Variants in LRPAP1 observed in about 807,000 individuals in gnomAD.
LRPAP1 encodes the protein alpha-2-macroglobulin receptor-associated protein.
Under a neutral mutation model 39.9 loss-of-function variants are expected in LRPAP1, and 41 were observed. The observed-to-expected ratio is 1.03, with a 90% CI of 0.80 to 1.33. The LOEUF (loss-of-function observed/expected upper bound fraction) is 1.33. LRPAP1 is among the 40% of genes most tolerant of loss of function. The pLI is 0.00. For synonymous variants in LRPAP1, 263 were observed against 212.7 expected (o/e 1.24, Z -2.06); for missense variants, 565 against 482.3 (o/e 1.17, Z -1.61).
rs376919981 is a variant in LRPAP1, at chr4:3,518,070, G to A, written c.715C>T (p.Arg239Cys). Residue 239 changes from arginine to cysteine, a missense_variant, in exon 5 of 8, where the codon CGC becomes TGC. Coordinates refer to ENST00000650182, the MANE Select transcript of LRPAP1 (RefSeq NM_002337.4). ...CTGTAGCCCTGGTGGCTGACCCTGC[G>A]CAGGCGGTCCAGGCCCTGGTTGATG... Reference protein sequence around the residue: ...RSINQGLDRLRRVSHQGYSTE... With the variant: ...RSINQGLDRLCRVSHQGYSTE... The A allele has an allele frequency of 1.3e-5, 21 of 1,612,178 alleles. No individual in the cohort carries two copies. The highest frequency in any genetic ancestry group is 5.3e-5 in the African/African-American group (4 of 74,932).
intron 3 of LRPAP1, among the ~76,000 whole-genome samples, chr4:3,519,674 TGAAA>T (rs1729847789): frequency 6.6e-6 from 1 of 152,092 alleles, no homozygotes; most frequent in Admixed American, 6.5e-5. Context: ...AGGCACAGGG[TGAAA>T]GCCCAGCCCC....
chr4:3,505,782 G>A lies in LRPAP1; in HGVS notation c.*7192C>T, dbSNP rs1729336085. ...ATACCACCACCCTGGATTACAACTC[G>A]GCAAGATGCTGGGGAGGTTTCTGTT... On this transcript the variant is annotated 3_prime_UTR_variant, in exon 8 of 8. Coordinates refer to ENST00000650182, the MANE Select transcript of LRPAP1 (RefSeq NM_002337.4). Among the ~76,000 whole-genome samples the A allele has an allele frequency of 6.6e-6, 1 of 152,164 alleles. No individual in the cohort carries two copies. Among genetic ancestry groups the A allele is most frequent in the Middle Eastern group, 3.2e-3 (1 of 316 alleles).
intron 2 of LRPAP1, among the ~76,000 whole-genome samples, chr4:3,522,525 G>C (rs1729940529): frequency 6.6e-6 from 1 of 151,716 alleles, no homozygotes; most frequent in African/African-American, 2.4e-5. Context: ...GGGGAGGACG[G>C]ACGTCATCCC....
chr4:3,520,454 G>C (rs1246295069), intron 2 of LRPAP1, among the ~76,000 whole-genome samples: 1 of 152,216 alleles, frequency 6.6e-6, no homozygotes, highest in South Asian at 2.1e-4. Context: ...TTCCTACCAG[G>C]GACACGCCGG....
intron 1 of LRPAP1, among the ~76,000 whole-genome samples, chr4:3,528,253 C>T (rs528546102): frequency 6.6e-6 from 1 of 152,314 alleles, no homozygotes; most frequent in Non-Finnish European, 1.5e-5. Flanking sequence ...TCATCAACAA[C>T]CAGGGTATAC....
intron 1 of LRPAP1, chr4:3,531,879 A>C (rs1730264822): frequency 5.1e-6 from 2 of 393,836 alleles, no homozygotes; most frequent in African/African-American, 4.3e-5. Flanking sequence ...AAGGCTCGGG[A>C]GGCAGGAGAC....
At chr4:3,526,394 G>A (rs1167307607) in intron 1 of LRPAP1, among the ~76,000 whole-genome samples, 4 of 152,168 alleles carry the variant, frequency 2.6e-5, no homozygotes, top group South Asian at 2.1e-4. Context: ...TCCCTTAGAC[G>A]TTTGAAATAT....
chr4:3,527,111 G>T (rs1256960157), intron 1 of LRPAP1, among the ~76,000 whole-genome samples: 7 of 143,782 alleles, frequency 4.9e-5, no homozygotes, highest in Non-Finnish European at 9.3e-5. Flanking sequence ...TAGATGCTCT[G>T]CGCCCCCATC....
At chr4:3,531,197 T>C (rs996680531) in intron 1 of LRPAP1, among the ~76,000 whole-genome samples, 1 of 152,102 alleles carries the variant, frequency 6.6e-6, no homozygotes, top group Non-Finnish European at 1.5e-5. Flanking sequence ...CCAGGAGCAG[T>C]TCAGGAAGGG....
In LRPAP1 at chr4:3,512,872, C is replaced by G; in HGVS notation, c.*102G>C. On this transcript the variant is annotated 3_prime_UTR_variant, in exon 8 of 8. Coordinates refer to ENST00000650182, the MANE Select transcript of LRPAP1 (RefSeq NM_002337.4). ...TTCCTGCCTCGACACCCGTGCCAGC[C>G]CCAGCCACCCTGACGGCGGGCTGTC... 1.9e-6 allele frequency: 2 copies of G among 1,042,526 alleles called. No individual in the cohort carries two copies. Among genetic ancestry groups the G allele is most frequent in the Non-Finnish European group, 2.8e-6 (2 of 714,064 alleles). 64.6% of individuals were successfully genotyped at this position (1,042,526 alleles called of 1,614,324 possible).
At chr4:3,515,605 ACCC>A (rs2108688261) in intron 6 of LRPAP1, among the ~76,000 whole-genome samples, 1 of 152,032 alleles carries the variant, frequency 6.6e-6, no homozygotes, top group African/African-American at 2.4e-5. Context: ...CCCACCCAGG[ACCC>A]CCGATGGACT....
At chr4:3,531,289 T>C (rs1424966030) in intron 1 of LRPAP1, among the ~76,000 whole-genome samples, 1 of 152,126 alleles carries the variant, frequency 6.6e-6, no homozygotes, top group African/African-American at 2.4e-5. Flanking sequence ...CCCCCACCTG[T>C]TTCTCCTCTC....
chr4:3,527,545 C>T (rs867953138), intron 1 of LRPAP1, among the ~76,000 whole-genome samples: 25 of 152,348 alleles, frequency 1.6e-4, no homozygotes, highest in South Asian at 2.1e-4. Context: ...CCTTACTTAC[C>T]GTGCTGCACT....
intron 6 of LRPAP1, 88 bp from the exon 7 acceptor site, chr4:3,515,016 G>A (rs932969935): frequency 9.3e-5 from 134 of 1,442,310 alleles, no homozygotes; most frequent in Non-Finnish European, 1.2e-4. Flanking sequence ...GGACGCCAAA[G>A]GACGGCGCCA....
At position 3,532,320 on chromosome 4, in the gene LRPAP1, G is replaced by A. The variant is rs755562082; in HGVS notation, c.93C>T (p.His31=). ...LFLGPWPAAS[H]GGKYSREKNQ... ...TCTTCTCCCGCGAGTACTTGCCGCCGTGGCTCGCAGCGGGCCAGGGCCCGA... is the reference window on the plus strand; with the variant it reads ...TCTTCTCCCGCGAGTACTTGCCGCCATGGCTCGCAGCGGGCCAGGGCCCGA... Residue 31 remains histidine (H), a synonymous_variant, in exon 1 of 8, where the codon CAC becomes CAT. Transcript: ENST00000650182. 6.3e-7 allele frequency: 1 copy of A among 1,583,358 alleles called. No individual in the cohort carries two copies. The highest frequency in any genetic ancestry group is 8.6e-7 in the Non-Finnish European group (1 of 1,164,720).
At chr4:3,526,986 G>A (rs979363172) in intron 1 of LRPAP1, among the ~76,000 whole-genome samples, 9 of 152,210 alleles carry the variant, frequency 5.9e-5, no homozygotes, top group African/African-American at 2.2e-4. Context: ...ATAGCAAACG[G>A]TAGGCACAAA....
At position 3,532,417 on chromosome 4, in the gene LRPAP1, C is replaced by T. The variant is rs774480108; in HGVS notation, c.-5G>A. 5 of 1,559,234 alleles carry T rather than the reference C, an allele frequency of 3.2e-6. No homozygotes were observed. Among genetic ancestry groups the T allele is most frequent in the African/African-American group, 2.7e-5 (2 of 73,666 alleles). The stretch of plus-strand genomic sequence containing the variant: ...CCTGACCCTCCGCGGCGCCATCTTC[C>T]TCTGCGACTGGCGCTGCGCGGAGAA... On this transcript the variant is annotated 5_prime_UTR_variant, in exon 1 of 8. Coordinates refer to ENST00000650182, the MANE Select transcript of LRPAP1 (RefSeq NM_002337.4).
At position 3,532,385 on chromosome 4, in the gene LRPAP1, G is replaced by A. The variant is rs370866898; in HGVS notation, c.28C>T (p.Leu10=). 3.1e-6 allele frequency: 5 copies of A among 1,589,298 alleles called. No individual in the cohort carries two copies. The highest frequency in any genetic ancestry group is 1.9e-4 in the Middle Eastern group (1 of 5,148). Residue 10 remains leucine, a synonymous_variant, in exon 1 of 8, where the codon CTG becomes TTG. Coordinates refer to ENST00000650182, the MANE Select transcript of LRPAP1 (RefSeq NM_002337.4). ...AGTAGCAGCGCCGGGAGCCCGCGCA[G>A]AAACGACCTGACCCTCCGCGGCGCC... MAPRRVRSF[L]RGLPALLLLL...
chr4:3,532,341 C>G lies in LRPAP1; in HGVS notation c.72G>C (p.Gly24=), dbSNP rs1478460755. ...PALLLLLLFL[G]PWPAASHGGK... ...CGCCGTGGCTCGCAGCGGGCCAGGGCCCGAGGAAGAGCAGCAGCAGTAGCA... is the reference window on the plus strand; with the variant it reads ...CGCCGTGGCTCGCAGCGGGCCAGGGGCCGAGGAAGAGCAGCAGCAGTAGCA... Residue 24 remains glycine, a synonymous_variant, in exon 1 of 8, where the codon GGG becomes GGC. Transcript: ENST00000650182. 2 of 1,592,030 alleles carry G rather than the reference C, an allele frequency of 1.3e-6. No individual in the cohort carries two copies. Among genetic ancestry groups the G allele is most frequent in the South Asian group, 2.3e-5 (2 of 88,068 alleles).
Sources: gnomAD v4.1 joint callset for allele counts (sites outside exome capture counted in the v4.1 genomes callset) on GRCh38, gnomAD v4.1.1 for gene constraint, MANE v1.5 for transcripts, NCBI Gene and HGNC (gene_info 2026-07-23, HGNC 2026-07-21) for gene names.